PTPRN: variants seen among roughly 807,000 people sequenced by gnomAD.
PTPRN encodes the protein receptor-type tyrosine-protein phosphatase-like N.
Under a neutral mutation model 108.5 loss-of-function variants are expected in PTPRN, and 70 were observed. The observed-to-expected ratio is 0.65, with a 90% confidence interval of 0.53 to 0.79. The LOEUF is 0.79. Among genes scored for constraint, PTPRN ranks in the 30% least tolerant of loss-of-function variants. The probability of loss-of-function intolerance (pLI) is 0.00; values close to 1 mark genes in which losing one functional copy is unlikely to be tolerated. For missense variants in PTPRN, 1,136 were observed against 1,295.5 expected, an observed-to-expected ratio of 0.88 and a Z score of 1.89; for synonymous variants, 496 against 524.6, an observed-to-expected ratio of 0.95 and a Z score of 0.75.
At position 219,299,549 on chromosome 2, in the gene PTPRN, G is replaced by A. The variant is rs150656993; in HGVS notation, c.1523+151C>T. 9.6e-4 allele frequency: 1,089 copies of A among 1,134,966 alleles called. 9 individuals are homozygous for A. In the African/African-American group the frequency reaches 0.015, roughly 16 times the overall value. The allele number at this position is 1,134,966 out of a possible 1,614,324, so 70.3% of individuals were successfully genotyped here. The stretch of plus-strand genomic sequence containing the variant: ...GAAGATGCTGGGTGGGGCCAGCAAC[G>A]GGCTGGGTGTGGCTGTACCTTCAGT... On this transcript the variant is annotated intron_variant, in intron 10 of 22. Coordinates refer to ENST00000295718, the MANE Select transcript of PTPRN (RefSeq NM_002846.4).
intron 9 of PTPRN, 86 bp downstream of exon 9, chr2:219,299,899 G>C: frequency 1.3e-6 from 2 of 1,580,114 alleles, no homozygotes; most frequent in South Asian, 2.3e-5. Context: ...GTCCCTGCAC[G>C]TCTGGATTTC....
At position 219,296,562 on chromosome 2, in the gene PTPRN, C is replaced by T; in HGVS notation, c.2311-46G>A. On this transcript the variant is annotated intron_variant, in intron 16 of 22. Coordinates refer to ENST00000295718, the MANE Select transcript of PTPRN (RefSeq NM_002846.4). The surrounding 1 kb of genome is among the most constrained non-coding windows in gnomAD (Gnocchi z 6.0). The stretch of plus-strand genomic sequence containing the variant: ...CCATGAGCCAGTGTGGGAAATGCCA[C>T]TATGGACAGGCGTGGTCAGAGCAAG... The T allele has an allele frequency of 1.2e-6, 2 of 1,609,378 alleles. No homozygotes were observed. The highest frequency in any genetic ancestry group is 1.7e-6 in the Non-Finnish European group (2 of 1,176,358).
intron 8 of PTPRN, 76 bp from the exon 9 acceptor site, chr2:219,300,335 C>T: frequency 7.0e-7 from 1 of 1,430,030 alleles, no homozygotes; most frequent in Non-Finnish European, 9.3e-7. Flanking sequence ...GAGCTCTCCA[C>T]AGTGGAGCTC....
intron 12 of PTPRN, 187 bp downstream of exon 12, chr2:219,298,860 G>A: frequency 1.4e-6 from 1 of 691,026 alleles, no homozygotes; most frequent in Non-Finnish European, 2.6e-6. Context: ...GCAGGGAGGG[G>A]ACACCTACGC....
chr2:219,290,534 T>A lies in PTPRN; in HGVS notation c.2868+4A>T, dbSNP rs1952029469. On this transcript the variant is annotated splice_donor_region_variant and intron_variant, in intron 22 of 22. Coordinates refer to ENST00000295718, the MANE Select transcript of PTPRN (RefSeq NM_002846.4). The surrounding 1 kb of genome is among the most constrained non-coding windows in gnomAD (Gnocchi z 4.2). ...CTGGGGTTGGGGCAGGAAGGCATGGTCACCTTAGAGCGGACAAGGCCAGGC... is the reference window on the plus strand; with the variant it reads ...CTGGGGTTGGGGCAGGAAGGCATGGACACCTTAGAGCGGACAAGGCCAGGC... 6.4e-7 allele frequency: 1 copy of A among 1,551,108 alleles called. No individual in the cohort carries two copies. The highest frequency in any genetic ancestry group is 8.7e-7 in the Non-Finnish European group (1 of 1,146,610).
In PTPRN at chr2:219,296,008, A is replaced by G; in HGVS notation, c.2508+218T>C. 1 of 602,844 alleles carries G rather than the reference A, an allele frequency of 1.7e-6. No homozygotes were observed. The highest frequency in any genetic ancestry group is 2.8e-6 in the Non-Finnish European group (1 of 354,654). The allele number at this position is 602,844 out of a possible 1,614,324, so 37.3% of individuals were successfully genotyped here. ...CACACACACACACACACACACATGTATGTTCTGTAAACAGGACACACACAT... is the reference window on the plus strand; with the variant it reads ...CACACACACACACACACACACATGTGTGTTCTGTAAACAGGACACACACAT... On this transcript the variant is annotated intron_variant, in intron 18 of 22. Transcript: ENST00000295718. The surrounding 1 kb of genome is among the most constrained non-coding windows in gnomAD (Gnocchi z 6.0).
chr2:219,293,330 G>A (rs192489809), intron 19 of PTPRN, among the ~76,000 whole-genome samples: 6 of 152,118 alleles, frequency 3.9e-5, no homozygotes, highest in Admixed American at 2.0e-4. Context: ...ACAGGCGCTC[G>A]CCACCCTGCC....
At chr2:219,298,179 T>A in intron 12 of PTPRN, 76 bp from the exon 13 acceptor site, 5 of 1,411,350 alleles carry the variant, frequency 3.5e-6, no homozygotes, top group Non-Finnish European at 3.9e-6. Context: ...CCCGGTCCCA[T>A]GCCACACCCC....
chr2:219,295,033 G>T lies in PTPRN; in HGVS notation c.2617C>A (p.Leu873Ile). 6.2e-7 allele frequency: 1 copy of T among 1,612,732 alleles called. No individual in the cohort carries two copies. The change falls in exon 19 of 23, where the codon CTC becomes ATC. Residue 873 changes from leucine (L) to isoleucine (I), a missense_variant. Coordinates refer to ENST00000295718, the MANE Select transcript of PTPRN (RefSeq NM_002846.4). Reference protein sequence around the residue: ...ETRTLTQFHFLSWPAEGTPAS... With the variant: ...ETRTLTQFHFISWPAEGTPAS... ...GGTGTGCCCTCTGCCGGCCAGCTGAGGAAGTGGAACTGCGTGAGCGTGCGC... is the reference window on the plus strand; with the variant it reads ...GGTGTGCCCTCTGCCGGCCAGCTGATGAAGTGGAACTGCGTGAGCGTGCGC...
Position 219,297,380 on chromosome 2 carries a change from A to G in PTPRN, c.1941T>C (p.Gly647=). ...TGCTCACCCGTGAAGGCTCCGGTGG[A>G]CCCTCTGCCCGGTTGAACAAGGACT... The part of the protein sequence containing the change: ...ATKSLFNRAE[G]PPEPSRVSSV... Residue 647 remains glycine, a synonymous_variant, in exon 14 of 23, where the codon GGT becomes GGC. Coordinates refer to ENST00000295718, the MANE Select transcript of PTPRN (RefSeq NM_002846.4). The surrounding 1 kb of genome is among the most constrained non-coding windows in gnomAD (Gnocchi z 6.0). 6.2e-7 allele frequency: 1 copy of G among 1,613,864 alleles called. No homozygotes were observed. Among genetic ancestry groups the G allele is most frequent in the South Asian group, 1.1e-5 (1 of 91,080 alleles).
chr2:219,308,103 A>T (rs1406983946), intron 1 of PTPRN: 1 of 481,590 alleles, frequency 2.1e-6, no homozygotes, highest in African/African-American at 2.0e-5. Flanking sequence ...GAAACCTTCC[A>T]GGTGCAGGGA....
intron 3 of PTPRN, among the ~76,000 whole-genome samples, chr2:219,305,877 C>T (rs897043850): frequency 4.6e-5 from 7 of 152,070 alleles, no homozygotes; most frequent in Admixed American, 2.0e-4. Context: ...TGGCTGAGCG[C>T]GGTTGCTCAC....
rs1277344932 is a variant in PTPRN at position 219,305,293 on chromosome 2, A to G, written c.281-1462T>C. Among the ~76,000 whole-genome samples, 32 of 148,812 alleles carry G rather than the reference A, an allele frequency of 2.2e-4. 1 individual carries two copies. Among genetic ancestry groups the G allele is most frequent in the Admixed American group, 4.7e-4 (7 of 14,852 alleles). On this transcript the variant is annotated intron_variant, in intron 3 of 22. Transcript: ENST00000295718. ...AGTCTCGCTCTATCACCCAGGCTGG[A>G]GTGCAGTGGTGCGATCTCGGCTCAC...
chr2:219,299,603 C>T (rs1952289238), intron 10 of PTPRN, 97 bp downstream of exon 10: 9 of 1,292,532 alleles, frequency 7.0e-6, no homozygotes, highest in Non-Finnish European at 8.7e-6. Context: ...GAGCTCAGAG[C>T]TTGTCTGCTC....
Position 219,302,325 on chromosome 2 carries a change from G to A in PTPRN, c.806C>T (p.Pro269Leu). ...HSYGDLPGPS[P>L]AQLFQDSGLL... ...CCCAGAGTCTTGAAAAAGCTGGGCA[G>A]GTGAAGGCCCTGGAAGGTCCCCGTA... The change falls in exon 6 of 23, where the codon CCT becomes CTT. Residue 269 changes from proline (P) to leucine (L), a missense_variant. Pro to Leu is a moderately conservative substitution (Grantham distance 98). Transcript: ENST00000295718. The A allele has an allele frequency of 1.9e-6, 3 of 1,613,912 alleles. No homozygotes were observed. Among genetic ancestry groups the A allele is most frequent in the African/African-American group, 1.3e-5 (1 of 75,050 alleles).
intron 8 of PTPRN, 117 bp downstream of exon 8, chr2:219,300,826 C>G: frequency 8.3e-7 from 1 of 1,201,416 alleles, no homozygotes; most frequent in Non-Finnish European, 1.2e-6. Context: ...CCTTGGTTTC[C>G]CCCAAAATGA....
chr2:219,297,521 C>A lies in PTPRN; in HGVS notation c.1888-88G>T. 7.6e-7 allele frequency: 1 copy of A among 1,317,226 alleles called. No individual in the cohort carries two copies. Among genetic ancestry groups the A allele is most frequent in the East Asian group, 2.4e-5 (1 of 41,674 alleles). The allele number at this position is 1,317,226 out of a possible 1,614,324, so 81.6% of individuals were successfully genotyped here. A position where few individuals can be genotyped will look rare whatever the true frequency, so the allele number is the denominator to read the frequency against. Reference sequence around the variant, plus strand: ...TTCAACTCTGGGCTCCTAGGCTTGCCCTTGACTGATTTTCAGTGGAACTCA... The same window carrying A: ...TTCAACTCTGGGCTCCTAGGCTTGCACTTGACTGATTTTCAGTGGAACTCA... On this transcript the variant is annotated intron_variant, in intron 13 of 22. Coordinates refer to ENST00000295718, the MANE Select transcript of PTPRN (RefSeq NM_002846.4). The surrounding 1 kb of genome is among the most constrained non-coding windows in gnomAD (Gnocchi z 6.0).
Position 219,309,393 on chromosome 2 carries a change from G to T in PTPRN, c.-61C>A. On this transcript the variant is annotated 5_prime_UTR_variant, in exon 1 of 23. Transcript: ENST00000295718. ...GCCGCAGCGACGCTGGCGGGAGCCT[G>T]CCAGAGGGGCTGAGGCGGGGCTTGC... 2 of 885,660 alleles carry T rather than the reference G, an allele frequency of 2.3e-6. No individual in the cohort carries two copies. The highest frequency in any genetic ancestry group is 3.2e-6 in the Non-Finnish European group (2 of 621,534). 54.9% of individuals were successfully genotyped at this position (885,660 alleles called of 1,614,324 possible). A position where few individuals can be genotyped will look rare whatever the true frequency, so the allele number is the denominator to read the frequency against.
chr2:219,292,919 C>A (rs1380585893), intron 19 of PTPRN: 1 of 152,178 alleles, frequency 6.6e-6, no homozygotes, highest in East Asian at 1.9e-4. Flanking sequence ...GAATCTAATG[C>A]CTGATGATCT....
Sources: allele counts gnomAD v4.1 joint callset (sites outside exome capture counted in the v4.1 genomes callset), GRCh38; gene constraint gnomAD v4.1.1; non-coding constraint Gnocchi (gnomAD v3.1); transcripts MANE v1.5; gene names NCBI Gene and HGNC (gene_info 2026-07-23, HGNC 2026-07-21).